The following EVI5 variants were observed in gnomAD, a reference collection of about 807,000 sequenced individuals.
The protein encoded by EVI5 is ecotropic viral integration site 5.
Under a neutral mutation model 112.0 loss-of-function variants are expected in EVI5, and 73 were observed. The observed-to-expected ratio is 0.65, with a 90% confidence interval of 0.54 to 0.79. EVI5 has a LOEUF of 0.79. Ranked by LOEUF, EVI5 falls within the 30% of genes least tolerant of loss-of-function variation. The pLI is 0.00. For synonymous variants in EVI5, 305 were observed against 319.9 expected (o/e 0.95, Z 0.50); for missense variants, 900 against 968.8 (o/e 0.93, Z 0.94).
At chr1:92,725,735 A>ATG (rs1198499860) in intron 2 of EVI5, among the ~76,000 whole-genome samples, 3 of 151,678 alleles carry the variant, frequency 2.0e-5, no homozygotes, top group Non-Finnish European at 2.9e-5. Flanking sequence ...AAAAAAAAAA[A>ATG]ATCGGGCATG....
intron 19 of EVI5, among the ~76,000 whole-genome samples, chr1:92,522,583 A>T (rs1661125607): frequency 7.5e-6 from 1 of 132,784 alleles, no homozygotes; most frequent in African/African-American, 2.9e-5. Context: ...ACTAGCCGAG[A>T]TCACGCCACA....
chr1:92,519,766 CA>C (rs1358257323), intron 19 of EVI5, among the ~76,000 whole-genome samples: 2 of 151,744 alleles, frequency 1.3e-5, no homozygotes, highest in East Asian at 3.9e-4. Context: ...TGTGGTGGTG[CA>C]CGCCTGTAAT....
In EVI5 at chr1:92,770,651, G is replaced by T. The variant is rs12737363; in HGVS notation, c.-82+14185C>A. Among the ~76,000 whole-genome samples the T allele has an allele frequency of 8.6e-4, 130 of 151,046 alleles. 1 individual carries two copies. The highest frequency in any genetic ancestry group is 1.4e-3 in the Admixed American group (21 of 15,262). Reference sequence around the variant, plus strand: ...TAAAAATACCAAAAATTAGCCGGGCGTGGTGGCAGGTGCCTGTAGTCCCAG... The same window carrying T: ...TAAAAATACCAAAAATTAGCCGGGCTTGGTGGCAGGTGCCTGTAGTCCCAG... On this transcript the variant is annotated intron_variant, in intron 1 of 19. Transcript: ENST00000684568.
chr1:92,664,870 G>A (rs1664615900), intron 11 of EVI5, among the ~76,000 whole-genome samples: 3 of 152,142 alleles, frequency 2.0e-5, no homozygotes, highest in Admixed American at 6.5e-5. Context: ...GCAATATGAT[G>A]AGGGGTATGT....
At chr1:92,706,906 G>A (rs974390009) in intron 2 of EVI5, among the ~76,000 whole-genome samples, 1 of 152,148 alleles carries the variant, frequency 6.6e-6, no homozygotes, top group African/African-American at 2.4e-5. Flanking sequence ...CCATGGCCGG[G>A]CGTGGTGGCT....
chr1:92,564,929 C>T (rs984437934), intron 18 of EVI5, among the ~76,000 whole-genome samples: 3 of 152,162 alleles, frequency 2.0e-5, no homozygotes, highest in African/African-American at 4.8e-5. Flanking sequence ...ATCCGCCCAC[C>T]TTGGCCTCCC....
intron 19 of EVI5, among the ~76,000 whole-genome samples, chr1:92,561,588 T>TATC (rs1553182418): frequency 6.7e-6 from 1 of 149,832 alleles, no homozygotes; most frequent in Non-Finnish European, 1.5e-5. Flanking sequence ...TCTATCTATC[T>TATC]ATCTATCTAT....
intron 1 of EVI5, among the ~76,000 whole-genome samples, chr1:92,757,498 A>G (rs961092993): frequency 6.6e-6 from 1 of 152,120 alleles, no homozygotes; most frequent in Non-Finnish European, 1.5e-5. Context: ...CAATCTGTAC[A>G]ATAAAAAAAA....
intron 13 of EVI5, among the ~76,000 whole-genome samples, chr1:92,652,593 A>G (rs950555488): frequency 3.3e-5 from 5 of 152,242 alleles, no homozygotes; most frequent in Admixed American, 6.5e-5. Flanking sequence ...GTACTCCCAC[A>G]TTTATTGCAA....
intron 2 of EVI5, among the ~76,000 whole-genome samples, chr1:92,708,363 TAAG>T (rs1386412030): frequency 3.3e-5 from 5 of 152,132 alleles, no homozygotes; most frequent in South Asian, 4.1e-4. Context: ...AATAAATACA[TAAG>T]AAGATGTTCA....
chr1:92,685,534 G>T (rs978574594), intron 9 of EVI5, among the ~76,000 whole-genome samples: 1 of 152,024 alleles, frequency 6.6e-6, no homozygotes, highest in South Asian at 2.1e-4. Flanking sequence ...CTAGCAGAAG[G>T]CAAGAAATAA....
intron 11 of EVI5, among the ~76,000 whole-genome samples, chr1:92,664,067 T>G (rs1040188707): frequency 4.6e-5 from 7 of 152,180 alleles, no homozygotes; most frequent in Admixed American, 4.6e-4. Context: ...CTCTTCCTCT[T>G]TTGGTATATT....
At chr1:92,568,936 G>A (rs1021650810) in intron 18 of EVI5, among the ~76,000 whole-genome samples, 1 of 152,128 alleles carries the variant, frequency 6.6e-6, no homozygotes, top group Non-Finnish European at 1.5e-5. Flanking sequence ...TAAGCTCTTA[G>A]TAGTTAAGTT....
At chr1:92,734,791 T>C (rs1361516370) in intron 2 of EVI5, among the ~76,000 whole-genome samples, 2 of 152,124 alleles carry the variant, frequency 1.3e-5, no homozygotes, top group African/African-American at 4.8e-5. Context: ...ACCCCAAACA[T>C]ATAAAGAACT....
intron 19 of EVI5, among the ~76,000 whole-genome samples, chr1:92,550,815 A>ATATATAG (rs1557766729): frequency 1.1e-5 from 1 of 90,234 alleles, no homozygotes; most frequent in African/African-American, 4.5e-5. Context: ...TATATATATA[A>ATATATAG]CAAAAAAAAC....
At chr1:92,772,724 G>A (rs1418961426) in intron 1 of EVI5, among the ~76,000 whole-genome samples, 1 of 151,820 alleles carries the variant, frequency 6.6e-6, no homozygotes, top group African/African-American at 2.4e-5. Context: ...TGCCAAAGAT[G>A]GTGAAACCCT....
At chr1:92,618,048 G>A (rs1014955801) in intron 16 of EVI5, among the ~76,000 whole-genome samples, 4 of 152,306 alleles carry the variant, frequency 2.6e-5, no homozygotes, top group Non-Finnish European at 5.9e-5. Context: ...GGTGGAATGG[G>A]CTTTTGAAGT....
chr1:92,674,140 G>T (rs1327188226), intron 10 of EVI5, among the ~76,000 whole-genome samples: 1 of 152,118 alleles, frequency 6.6e-6, no homozygotes, highest in East Asian at 1.9e-4. Context: ...GGGAGTGTGT[G>T]TAAGAAGTAG....
At chr1:92,582,830 T>A (rs578133967) in intron 18 of EVI5, among the ~76,000 whole-genome samples, 3 of 152,232 alleles carry the variant, frequency 2.0e-5, no homozygotes, top group East Asian at 3.9e-4. Flanking sequence ...GATAATCATA[T>A]AAATTCATAA....
Sources: gnomAD v4.1 joint callset for allele counts (sites outside exome capture counted in the v4.1 genomes callset) on GRCh38, gnomAD v4.1.1 for gene constraint, MANE v1.5 for transcripts, NCBI Gene and HGNC (gene_info 2026-07-23, HGNC 2026-07-21) for gene names.